The following GAB3 variants were observed in gnomAD, a reference collection of about 807,000 sequenced individuals.
GAB3 encodes GRB2 associated binding protein 3, also known as GRB2-associated-binding protein 3.
A neutral mutation model predicts 40.4 loss-of-function variants in GAB3; 12 were observed. The ratio of observed to expected loss-of-function variants is 0.30; its 90% confidence interval spans 0.19 to 0.48. The LOEUF (loss-of-function observed/expected upper bound fraction) is 0.48, where lower values mean the gene tolerates loss of function less well. Among genes scored for constraint, GAB3 ranks in the 20% least tolerant of loss-of-function variants. The pLI, the probability that GAB3 is intolerant of heterozygous loss-of-function variation, is 0.99. For synonymous variants in GAB3, 154 were observed against 176.7 expected (o/e 0.87, Z 1.02); for missense variants, 381 against 461.9 (o/e 0.82, Z 1.61).
chrX:154,746,312 G>A (rs781911723), intron 1 of GAB3, among the ~76,000 whole-genome samples: 6 of 111,611 alleles, frequency 5.4e-5, no homozygotes, highest in Non-Finnish European at 1.1e-4. Flanking sequence ...TATCCCTCAT[G>A]GACAGAGACA....
In GAB3 at chrX:154,697,354, C is replaced by T. The variant is rs1381450163; in HGVS notation, c.1346-141G>A. 13 of 396,587 alleles carry T rather than the reference C, an allele frequency of 3.3e-5. 1 individual carries two copies. The South Asian group carries it at 5.5e-4, about 17-fold the overall frequency. The allele number at this position is 396,587 out of a possible 1,213,427, so 32.7% of individuals were successfully genotyped here. The stretch of plus-strand genomic sequence containing the variant: ...TGATGAGGGTGAATTTCACTGTCCT[C>T]CTCTTCCCTGCCTCACTGGGAGTAA... On this transcript the variant is annotated intron_variant, in intron 6 of 9. Coordinates refer to ENST00000424127, the MANE Select transcript of GAB3 (RefSeq NM_001081573.3).
chrX:154,737,520 A>G (rs1022460165), intron 1 of GAB3, among the ~76,000 whole-genome samples: 1 of 111,342 alleles, frequency 9.0e-6, no homozygotes, highest in African/African-American at 3.3e-5. Flanking sequence ...AGTAACCACC[A>G]AAACTCCATC....
intron 4 of GAB3, among the ~76,000 whole-genome samples, chrX:154,700,706 G>A (rs1276143479): frequency 9.0e-6 from 1 of 111,115 alleles, no homozygotes; most frequent in Non-Finnish European, 1.9e-5. Flanking sequence ...AGATTAATGA[G>A]GAAACTTGGG....
chrX:154,678,999 A>G, intron 9 of GAB3: 1 of 252,539 alleles, frequency 4.0e-6, no homozygotes, highest in Non-Finnish European at 7.5e-6. Context: ...TTTTATTAAA[A>G]AATAAAAAAC....
intron 8 of GAB3, among the ~76,000 whole-genome samples, chrX:154,694,682 C>T (rs1316741059): frequency 2.7e-5 from 3 of 112,318 alleles, no homozygotes; most frequent in East Asian, 2.8e-4. Context: ...CGTGAGCCAC[C>T]GCGCCCAGCC....
At chrX:154,689,167 C>T (rs1448357214) in intron 8 of GAB3, among the ~76,000 whole-genome samples, 1 of 111,873 alleles carries the variant, frequency 8.9e-6, no homozygotes, top group Non-Finnish European at 1.9e-5. Flanking sequence ...ACAAAAACCA[C>T]ATGATTATCT....
intron 1 of GAB3, among the ~76,000 whole-genome samples, chrX:154,739,987 T>C (rs2071414117): frequency 8.9e-6 from 1 of 112,820 alleles, no homozygotes; most frequent in Non-Finnish European, 1.9e-5. Context: ...TTATCATCTA[T>C]TGATTTTTCA....
At chrX:154,732,189 G>C (rs1046361898) in intron 1 of GAB3, among the ~76,000 whole-genome samples, 14 of 112,003 alleles carry the variant, frequency 1.2e-4, no homozygotes, top group Non-Finnish European at 2.1e-4. Context: ...GATTGTGGAA[G>C]AGTGTGTATT....
chrX:154,739,225 C>T (rs979498470), intron 1 of GAB3, among the ~76,000 whole-genome samples: 3 of 111,791 alleles, frequency 2.7e-5, no homozygotes, highest in Non-Finnish European at 5.6e-5. Flanking sequence ...AACTCATTAA[C>T]AGAAGCTGCT....
At chrX:154,720,545 G>GAAC (rs1161416307) in intron 1 of GAB3, among the ~76,000 whole-genome samples, 5 of 103,030 alleles carry the variant, frequency 4.9e-5, no homozygotes, top group Middle Eastern at 5.3e-3. Context: ...AGAATGGCGT[G>GAAC]AACCCCGGGG....
At chrX:154,690,638 AT>A (rs2070544433) in intron 8 of GAB3, among the ~76,000 whole-genome samples, 1 of 112,619 alleles carries the variant, frequency 8.9e-6, no homozygotes, top group African/African-American at 3.2e-5. Context: ...AAAAGAAGAT[AT>A]TTATGCAGCT....
At chrX:154,738,744 C>T (rs1207739502) in intron 1 of GAB3, among the ~76,000 whole-genome samples, 2 of 112,188 alleles carry the variant, frequency 1.8e-5, no homozygotes. Context: ...GCTGCATTCA[C>T]ATTATTACCC....
intron 4 of GAB3, among the ~76,000 whole-genome samples, chrX:154,709,561 G>A (rs190673867): frequency 1.8e-5 from 2 of 108,932 alleles, no homozygotes; most frequent in East Asian, 5.8e-4. Context: ...CTTGTGATCT[G>A]CCCGCCCCCG....
intron 1 of GAB3, among the ~76,000 whole-genome samples, chrX:154,738,513 G>A (rs192133812): frequency 1.8e-5 from 2 of 112,074 alleles, no homozygotes; most frequent in Admixed American, 9.4e-5. Context: ...TTATGTAACC[G>A]GTTTCCTGTC....
chrX:154,719,553 C>T (rs1256377149), intron 1 of GAB3, among the ~76,000 whole-genome samples: 16 of 111,947 alleles, frequency 1.4e-4, no homozygotes, highest in African/African-American at 4.9e-4. Flanking sequence ...GGCTGGAAGG[C>T]AGGCATGAGG....
chrX:154,699,185 G>T, intron 6 of GAB3, 109 bp downstream of exon 6: 1 of 611,526 alleles, frequency 1.6e-6, no homozygotes, highest in Non-Finnish European at 2.7e-6. Flanking sequence ...TACACTTTCC[G>T]GCCCTCTGGG....
chrX:154,741,444 G>A lies in GAB3; in HGVS notation c.72+9510C>T, dbSNP rs781925715. Among the ~76,000 whole-genome samples the A allele has an allele frequency of 9.7e-4, 107 of 110,743 alleles. 1 individual carries two copies. In the South Asian group the frequency reaches 0.013, roughly 14 times the overall value. ...TGTAATCCCAGCACTTTGGGAGGCC[G>A]AGGCGGGTGGATCACGAGGTCAGGA... On this transcript the variant is annotated intron_variant, in intron 1 of 9. Coordinates refer to ENST00000424127, the MANE Select transcript of GAB3 (RefSeq NM_001081573.3).
chrX:154,704,492 TA>T (rs1180472114), intron 4 of GAB3, among the ~76,000 whole-genome samples: 4 of 111,648 alleles, frequency 3.6e-5, no homozygotes, highest in African/African-American at 1.3e-4. Context: ...ATGTACCCTG[TA>T]AATATATACG....
At chrX:154,751,285 G>GGGGC (rs1491371211), upstream of GAB3, among the ~76,000 whole-genome samples, 1 of 69,785 alleles carries the variant, frequency 1.4e-5, no homozygotes, top group African/African-American at 7.3e-5. Context: ...GGCTGTGCCC[G>GGGGC]GGGGGGGGGT....
Sources: gnomAD v4.1 joint callset for allele counts (sites outside exome capture counted in the v4.1 genomes callset) on GRCh38, gnomAD v4.1.1 for gene constraint, MANE v1.5 for transcripts, NCBI Gene and HGNC (gene_info 2026-07-23, HGNC 2026-07-21) for gene names.